Variants in GFI1B observed in about 807,000 individuals in gnomAD.
GFI1B encodes the protein growth factor independent 1B transcriptional repressor.
Under a neutral mutation model 35.3 loss-of-function variants are expected in GFI1B, and 20 were observed. The observed-to-expected ratio is 0.57, with a 90% CI of 0.40 to 0.82. The LOEUF is 0.82. GFI1B is among the 40% of genes least tolerant of loss of function. The probability of loss-of-function intolerance (pLI) is 0.00; values close to 1 mark genes in which losing one functional copy is unlikely to be tolerated. For synonymous variants in GFI1B, 178 were observed against 177.6 expected (o/e 1.00, Z -0.02); for missense variants, 430 against 446.3 (o/e 0.96, Z 0.33).
intron 1 of GFI1B, chr9:132,947,244 C>G (rs963496968): frequency 6.6e-6 from 1 of 152,202 alleles, no homozygotes; most frequent in African/African-American, 2.4e-5. Context: ...GCCTTCTGAA[C>G]AGGTGAACCG....
At chr9:132,975,079 G>A (rs1011025828), upstream of GFI1B, 1 of 152,252 alleles carries the variant, frequency 6.6e-6, no homozygotes, top group Non-Finnish European at 1.5e-5. Context: ...GGGCTACAGA[G>A]CAAGACCCCA....
upstream of GFI1B, among the ~76,000 whole-genome samples, chr9:132,976,795 T>A (rs575217475): frequency 2.0e-5 from 3 of 151,958 alleles, no homozygotes; most frequent in African/African-American, 7.2e-5. Context: ...AATAAAAAAA[T>A]TAACCAGGCA....
intron 1 of GFI1B, among the ~76,000 whole-genome samples, chr9:132,981,305 T>C (rs1033249638): frequency 6.6e-6 from 1 of 152,224 alleles, no homozygotes; most frequent in African/African-American, 2.4e-5. Flanking sequence ...AGATATCTCT[T>C]TGAGTCTCCC....
At chr9:132,993,029 C>T (rs1389090830), downstream of GFI1B, among the ~76,000 whole-genome samples, 1 of 152,066 alleles carries the variant, frequency 6.6e-6, no homozygotes, top group Non-Finnish European at 1.5e-5. Context: ...GCCAGGCGCT[C>T]ACGCCTGTAA....
chr9:132,949,067 G>A (rs1367981507), intron 1 of GFI1B, among the ~76,000 whole-genome samples: 1 of 152,180 alleles, frequency 6.6e-6, no homozygotes, highest in African/African-American at 2.4e-5. Context: ...ACACCCAGAG[G>A]TGATCACGGA....
At chr9:132,961,324 C>T (rs142685822) in intron 1 of GFI1B, among the ~76,000 whole-genome samples, 368 of 151,322 alleles carry the variant, frequency 2.4e-3, no homozygotes, top group African/African-American at 6.4e-3. Context: ...AAATGATAGA[C>T]GGAGAGAAAA....
chr9:132,967,883 C>T (rs564667361), intron 1 of GFI1B, among the ~76,000 whole-genome samples: 7 of 151,896 alleles, frequency 4.6e-5, no homozygotes, highest in Non-Finnish European at 7.4e-5. Context: ...TGGGTTCAAG[C>T]GATTCTCCTG....
In GFI1B at chr9:132,988,227, A is replaced by G; in HGVS notation, c.269A>G (p.Asp90Gly). Residue 90 changes from aspartate (D) to glycine (G), a missense_variant, in exon 4 of 7, where the codon GAT becomes GGT. By Grantham distance (94) the Asp-to-Gly change is moderately conservative. Transcript: ENST00000372122. ...CCCATTGTGCTGTCCCGACCCCAGG[A>G]TGGGGACTCTCCACTGTCCGACTCA... ...EGPIVLSRPQ[D>G]GDSPLSDSPP... is the part of the protein sequence containing the mutation. The G allele has an allele frequency of 1.9e-6, 3 of 1,613,914 alleles. No homozygotes were observed. Among genetic ancestry groups the G allele is most frequent in the Non-Finnish European group, 2.5e-6 (3 of 1,179,836 alleles).
chr9:132,970,999 AAGAG>A, intron 1 of GFI1B, among the ~76,000 whole-genome samples: 1 of 152,324 alleles, frequency 6.6e-6, no homozygotes, highest in South Asian at 2.1e-4. Flanking sequence ...CATCCAGTTA[AAGAG>A]AGAAAGGGCA....
At chr9:132,983,190 CTTTTTTTTTTT>C (rs66711864) in intron 1 of GFI1B, among the ~76,000 whole-genome samples, 4 of 98,620 alleles carry the variant, frequency 4.1e-5, no homozygotes, top group Non-Finnish European at 5.7e-5. Context: ...TTTCTCCCTC[CTTTTTTTTTTT>C]TTTTTTTTTT....
chr9:132,960,995 C>A (rs1330411508), intron 1 of GFI1B, among the ~76,000 whole-genome samples: 1 of 152,076 alleles, frequency 6.6e-6, no homozygotes, highest in Non-Finnish European at 1.5e-5. Context: ...GCATTCACAG[C>A]TAGAGGTTTT....
At chr9:132,977,389 T>G (rs929154962), upstream of GFI1B, among the ~76,000 whole-genome samples, 2 of 151,956 alleles carry the variant, frequency 1.3e-5, no homozygotes, top group Non-Finnish European at 2.9e-5. Context: ...GACCACAGGG[T>G]TGTGTCCTCC....
intron 1 of GFI1B, chr9:132,953,854 T>C (rs1267520161): frequency 6.6e-6 from 1 of 152,012 alleles, no homozygotes; most frequent in Non-Finnish European, 1.5e-5. Context: ...GGCTGACGCT[T>C]GAACCCGGGA....
At chr9:132,960,078 C>T (rs1249379873) in intron 1 of GFI1B, among the ~76,000 whole-genome samples, 2 of 152,222 alleles carry the variant, frequency 1.3e-5, no homozygotes, top group Admixed American at 1.3e-4. Context: ...TGATCCTACT[C>T]TGCTCAAGGC....
intron 1 of GFI1B, among the ~76,000 whole-genome samples, chr9:132,964,977 C>G (rs1257659710): frequency 6.6e-6 from 1 of 151,898 alleles, no homozygotes; most frequent in Non-Finnish European, 1.5e-5. Context: ...TCTTTAAAAA[C>G]TTTTGCCTTC....
downstream of GFI1B, among the ~76,000 whole-genome samples, chr9:132,993,121 CTG>C: frequency 6.6e-6 from 1 of 152,156 alleles, no homozygotes; most frequent in African/African-American, 2.4e-5. Context: ...TGGTGAAACC[CTG>C]TCTCTATTAA....
In GFI1B at chr9:132,988,321, G is replaced by A; in HGVS notation, c.363G>A (p.Gln121=). 1 of 1,614,204 alleles carries A rather than the reference G, an allele frequency of 6.2e-7. No homozygotes were observed. The highest frequency in any genetic ancestry group is 1.1e-5 in the South Asian group (1 of 91,086). The change falls in exon 4 of 7, where the codon CAG becomes CAA. Residue 121 remains glutamine, a synonymous_variant. Transcript: ENST00000372122. ...CAACCTATGGCCACAGCTACCGGCA[G>A]GCCCCCTCCACCATGCAGTCAGCCT... is the stretch of plus-strand genomic sequence containing the variant. ...LATTYGHSYR[Q]APSTMQSAFL...
At chr9:132,976,778 T>TA (rs899928301), upstream of GFI1B, among the ~76,000 whole-genome samples, 53 of 151,592 alleles carry the variant, frequency 3.5e-4, no homozygotes, top group African/African-American at 9.2e-4. Context: ...ACCCCATCTC[T>TA]AAAAAAAATA....
In GFI1B at chr9:132,988,151, C is replaced by A. The variant is rs1849144462; in HGVS notation, c.239-46C>A. The A allele has an allele frequency of 2.5e-6, 4 of 1,588,108 alleles. No individual in the cohort carries two copies. In the East Asian group the frequency reaches 8.9e-5, roughly 35 times the overall value. ...ATGAGCCACGCCACTGTGCCCAACC[C>A]CCTGTGTTTAAATGAGTAACCAGGC... On this transcript the variant is annotated intron_variant, in intron 3 of 6. Transcript: ENST00000372122.
Sources: allele counts gnomAD v4.1 joint callset (sites outside exome capture counted in the v4.1 genomes callset), GRCh38; gene constraint gnomAD v4.1.1; transcripts MANE v1.5; gene names NCBI Gene and HGNC (gene_info 2026-07-23, HGNC 2026-07-21).